Variants in GIPC2 observed in about 807,000 individuals in gnomAD.
GIPC2 encodes GIPC PDZ domain containing family member 2.
In GIPC2, 30 loss-of-function variants were observed where a neutral mutation model predicts 30.6. The ratio of observed to expected loss-of-function variants is 0.98; its 90% CI spans 0.73 to 1.33. The LOEUF (loss-of-function observed/expected upper bound fraction) is 1.33, where lower values mean the gene tolerates loss of function less well. Among genes scored for constraint, GIPC2 ranks in the 40% most tolerant of loss-of-function variants. The probability of loss-of-function intolerance (pLI) is 0.00; values close to 1 mark genes in which losing one functional copy is unlikely to be tolerated. For missense variants in GIPC2, 414 were observed against 390.3 expected (o/e 1.06, Z -0.51); for synonymous variants, 167 against 150.0 (o/e 1.11, Z -0.83).
intron 1 of GIPC2, among the ~76,000 whole-genome samples, chr1:78,066,587 A>G (rs1459821624): frequency 2.6e-5 from 4 of 152,190 alleles, no homozygotes; most frequent in Non-Finnish European, 5.9e-5. Context: ...GTGCACATGT[A>G]TGTTCATTGC....
intron 1 of GIPC2, among the ~76,000 whole-genome samples, chr1:78,056,547 C>T (rs540228988): frequency 2.5e-4 from 38 of 152,316 alleles, no homozygotes; most frequent in Non-Finnish European, 5.0e-4. Flanking sequence ...TAATTAACTC[C>T]ATGTGCCCAG....
At chr1:78,108,593 C>T (rs1023442224) in intron 3 of GIPC2, among the ~76,000 whole-genome samples, 12 of 152,126 alleles carry the variant, frequency 7.9e-5, no homozygotes, top group African/African-American at 2.9e-4. Flanking sequence ...TCTCAGCACC[C>T]TACTAATTGT....
At chr1:78,131,764 A>G (rs185083178) in intron 5 of GIPC2, among the ~76,000 whole-genome samples, 7 of 152,362 alleles carry the variant, frequency 4.6e-5, no homozygotes, top group Admixed American at 2.6e-4. Context: ...GAGAAATAAA[A>G]TAAAAAAGCG....
intron 1 of GIPC2, among the ~76,000 whole-genome samples, chr1:78,056,874 T>G (rs1490850248): frequency 6.6e-6 from 1 of 152,222 alleles, no homozygotes; most frequent in Non-Finnish European, 1.5e-5. Flanking sequence ...AATATGTTTT[T>G]GAGTCTTTTT....
At chr1:78,132,329 A>G (rs944324856) in intron 5 of GIPC2, among the ~76,000 whole-genome samples, 2 of 152,172 alleles carry the variant, frequency 1.3e-5, no homozygotes, top group Admixed American at 1.3e-4. Flanking sequence ...GTGGTAATAG[A>G]GGGAGAACAT....
intron 1 of GIPC2, among the ~76,000 whole-genome samples, chr1:78,077,071 C>T (rs910409883): frequency 3.3e-5 from 5 of 152,074 alleles, no homozygotes; most frequent in African/African-American, 4.8e-5. Context: ...TGAGTCACTG[C>T]GCCCAGCCTA....
chr1:78,067,316 T>A (rs565656317), intron 1 of GIPC2, among the ~76,000 whole-genome samples: 42 of 152,230 alleles, frequency 2.8e-4, no homozygotes, highest in African/African-American at 8.4e-4. Context: ...ACCTTATAGG[T>A]CTGTTGTGAG....
At chr1:78,134,197 G>T (rs1045495241) in intron 5 of GIPC2, among the ~76,000 whole-genome samples, 3 of 152,060 alleles carry the variant, frequency 2.0e-5, no homozygotes, top group Non-Finnish European at 2.9e-5. Context: ...CTCAATTGGA[G>T]ATATATATAT....
intron 2 of GIPC2, chr1:78,091,690 G>A: frequency 1.3e-6 from 1 of 773,444 alleles, no homozygotes; most frequent in South Asian, 1.3e-5. Context: ...TCTATAGTGT[G>A]ATGACCCTAG....
At chr1:78,091,606 G>T in intron 2 of GIPC2, 1 of 765,444 alleles carries the variant, frequency 1.3e-6, no homozygotes. Flanking sequence ...TCGGGAATGC[G>T]TTCGTCGTGT....
At chr1:78,132,821 T>G (rs1020133136) in intron 5 of GIPC2, among the ~76,000 whole-genome samples, 1 of 152,184 alleles carries the variant, frequency 6.6e-6, no homozygotes, top group African/African-American at 2.4e-5. Context: ...GTACATTTTC[T>G]TATGTCTTTT....
At chr1:78,067,544 C>G (rs1012655982) in intron 1 of GIPC2, among the ~76,000 whole-genome samples, 2 of 152,016 alleles carry the variant, frequency 1.3e-5, no homozygotes, top group Non-Finnish European at 2.9e-5. Context: ...CTCCGCCTCC[C>G]TAGTTCAAGC....
upstream of GIPC2, chr1:78,045,456 C>A: frequency 1.9e-6 from 1 of 514,346 alleles, no homozygotes; most frequent in Non-Finnish European, 2.5e-6. Flanking sequence ...GCTTTGGAGG[C>A]GTGCTGAATG....
At chr1:78,095,376 A>G (rs962295272) in intron 3 of GIPC2, among the ~76,000 whole-genome samples, 13 of 152,212 alleles carry the variant, frequency 8.5e-5, no homozygotes, top group Admixed American at 4.6e-4. Flanking sequence ...TACAAAGTCT[A>G]ATGTCTAGTG....
intron 3 of GIPC2, among the ~76,000 whole-genome samples, chr1:78,107,166 C>T (rs1349400744): frequency 6.6e-6 from 1 of 151,422 alleles, no homozygotes; most frequent in Admixed American, 6.6e-5. Context: ...CTCCCCCTTG[C>T]TCCCTCCCTC....
At chr1:78,063,290 G>A (rs140112906) in intron 1 of GIPC2, among the ~76,000 whole-genome samples, 7 of 148,566 alleles carry the variant, frequency 4.7e-5, no homozygotes, top group Middle Eastern at 3.9e-3. Context: ...TCAGGAGTTC[G>A]CGACCAGCCT....
chr1:78,071,717 G>A (rs4949835), intron 1 of GIPC2, among the ~76,000 whole-genome samples: 78,738 of 151,764 alleles, frequency 0.52, 21,548 homozygotes, highest in South Asian at 0.63. Flanking sequence ...GTGCTGTCAC[G>A]CCTGTCTTCT....
intron 1 of GIPC2, among the ~76,000 whole-genome samples, chr1:78,050,684 G>A (rs1161447343): frequency 6.6e-6 from 1 of 151,338 alleles, no homozygotes; most frequent in East Asian, 1.9e-4. Flanking sequence ...GCCCAGGCTG[G>A]AGTGCAGTGG....
intron 4 of GIPC2, among the ~76,000 whole-genome samples, chr1:78,124,581 A>G (rs539610219): frequency 6.6e-6 from 1 of 152,336 alleles, no homozygotes; most frequent in African/African-American, 2.4e-5. Context: ...CATATTTGTC[A>G]CTGTGTTCTC....
Sources: gnomAD v4.1 joint callset for allele counts (sites outside exome capture counted in the v4.1 genomes callset) on GRCh38, gnomAD v4.1.1 for gene constraint, MANE v1.5 for transcripts, NCBI Gene and HGNC (gene_info 2026-07-23, HGNC 2026-07-21) for gene names.